Variants in MIPOL1 observed in about 807,000 individuals in gnomAD.
MIPOL1 encodes the protein mirror-image polydactyly gene 1 protein.
MIPOL1 carries 57 observed loss-of-function variants against 60.9 expected under a neutral mutation model. The ratio of observed to expected loss-of-function variants is 0.94; its 90% CI spans 0.76 to 1.17. The LOEUF is 1.17. Ranked by LOEUF, MIPOL1 falls within the 50% of genes most tolerant of loss-of-function variation. The pLI, the probability that MIPOL1 is intolerant of heterozygous loss-of-function variation, is 0.00. For missense variants in MIPOL1, 551 were observed against 511.6 expected (o/e 1.08, Z -0.74); for synonymous variants, 179 against 168.8 (o/e 1.06, Z -0.47).
chr14:37,353,131 G>T (rs1311259426), intron 9 of MIPOL1, among the ~76,000 whole-genome samples: 1 of 140,178 alleles, frequency 7.1e-6, no homozygotes, highest in Non-Finnish European at 1.5e-5. Context: ...GTTGAATTTT[G>T]TCAAAGGCTT....
chr14:37,245,932 C>T (rs756066660), intron 1 of MIPOL1, among the ~76,000 whole-genome samples: 4 of 151,980 alleles, frequency 2.6e-5, no homozygotes, highest in Admixed American at 6.6e-5. Context: ...GAATTTTAGC[C>T]TAAGAAGGTA....
chr14:37,249,214 A>G (rs1011644096), intron 3 of MIPOL1, among the ~76,000 whole-genome samples: 1 of 152,164 alleles, frequency 6.6e-6, no homozygotes, highest in African/African-American at 2.4e-5. Flanking sequence ...CTTGTATTAT[A>G]ATTTAAAAAA....
chr14:37,415,988 G>A (rs1352812451), intron 10 of MIPOL1, among the ~76,000 whole-genome samples: 1 of 152,072 alleles, frequency 6.6e-6, no homozygotes, highest in Admixed American at 6.6e-5. Context: ...GAGAATCTAA[G>A]TAGTTGATAA....
chr14:37,198,860 A>T (rs892108279), intron 1 of MIPOL1, among the ~76,000 whole-genome samples: 3 of 152,232 alleles, frequency 2.0e-5, no homozygotes, highest in African/African-American at 7.2e-5. Context: ...TAACTTGAAT[A>T]TACTATCACA....
intron 11 of MIPOL1, among the ~76,000 whole-genome samples, chr14:37,451,663 T>C (rs1030800756): frequency 6.6e-6 from 1 of 152,108 alleles, no homozygotes; most frequent in African/African-American, 2.4e-5. Context: ...TGACATCCAA[T>C]TGATTTTAAA....
chr14:37,429,901 C>G (rs1194929127), intron 11 of MIPOL1, among the ~76,000 whole-genome samples: 1 of 151,906 alleles, frequency 6.6e-6, no homozygotes, highest in African/African-American at 2.4e-5. Flanking sequence ...GTCAGAACTA[C>G]GAGTTGATAA....
chr14:37,365,464 A>G (rs147043004), intron 9 of MIPOL1, among the ~76,000 whole-genome samples: 1 of 152,150 alleles, frequency 6.6e-6, no homozygotes, highest in East Asian at 1.9e-4. Flanking sequence ...TATTGAAATG[A>G]TCATATGGTT....
At chr14:37,507,192 T>A (rs1348372619) in intron 12 of MIPOL1, 1 of 152,202 alleles carries the variant, frequency 6.6e-6, no homozygotes, top group African/African-American at 2.4e-5. Context: ...TGGAAGACAG[T>A]GTGACGATTC....
At chr14:37,433,566 G>GT (rs1028283456) in intron 11 of MIPOL1, among the ~76,000 whole-genome samples, 3 of 151,570 alleles carry the variant, frequency 2.0e-5, no homozygotes, top group Non-Finnish European at 4.4e-5. Context: ...TTGTTTGTTT[G>GT]TTTTTTTGAG....
intron 10 of MIPOL1, among the ~76,000 whole-genome samples, chr14:37,379,985 T>G (rs1370684828): frequency 6.6e-6 from 1 of 152,074 alleles, no homozygotes. Flanking sequence ...CCTTGAGCTA[T>G]ATGGCCTGGT....
chr14:37,295,758 C>T (rs1270720986), intron 7 of MIPOL1, among the ~76,000 whole-genome samples: 1 of 152,160 alleles, frequency 6.6e-6, no homozygotes, highest in African/African-American at 2.4e-5. Context: ...AACTAACTAT[C>T]CTAAATATAT....
intron 11 of MIPOL1, among the ~76,000 whole-genome samples, chr14:37,475,393 GC>G (rs1253371691): frequency 6.6e-6 from 1 of 152,074 alleles, no homozygotes; most frequent in Non-Finnish European, 1.5e-5. Context: ...TCTTAACAGT[GC>G]CTTTTGTAGC....
intron 11 of MIPOL1, among the ~76,000 whole-genome samples, chr14:37,459,060 T>C (rs76854896): frequency 2.0e-5 from 3 of 151,566 alleles, no homozygotes; most frequent in South Asian, 2.1e-4. Context: ...ATCAAAAAGA[T>C]AAAAAGGTCT....
intron 12 of MIPOL1, among the ~76,000 whole-genome samples, chr14:37,526,347 A>G (rs1594880564): frequency 1.3e-5 from 2 of 151,550 alleles, no homozygotes; most frequent in Non-Finnish European, 2.9e-5. Flanking sequence ...TTGGAAAGGC[A>G]AAGTGGACTT....
At chr14:37,285,229 ATAAT>A (rs1365002182) in intron 6 of MIPOL1, 85 bp from the exon 7 acceptor site, 57 of 1,388,610 alleles carry the variant, frequency 4.1e-5, no homozygotes, top group Non-Finnish European at 5.4e-5. Context: ...CCTTACAGTA[ATAAT>A]TACTTATGGC....
At chr14:37,508,463 G>A (rs2095299238) in intron 12 of MIPOL1, among the ~76,000 whole-genome samples, 1 of 152,098 alleles carries the variant, frequency 6.6e-6, no homozygotes, top group Non-Finnish European at 1.5e-5. Context: ...CATTTTAAAC[G>A]ATATTTTTAT....
intron 11 of MIPOL1, among the ~76,000 whole-genome samples, chr14:37,456,089 G>A (rs796292773): frequency 7.3e-5 from 11 of 151,414 alleles, no homozygotes; most frequent in African/African-American, 2.7e-4. Context: ...CGTAGAAGAA[G>A]GTTTCTTCTA....
chr14:37,535,220 T>C (rs1291027784), intron 12 of MIPOL1, among the ~76,000 whole-genome samples: 1 of 152,178 alleles, frequency 6.6e-6, no homozygotes, highest in Admixed American at 6.6e-5. Context: ...AGATAGTAGT[T>C]AGTCAATGTT....
chr14:37,375,449 T>C (rs1376406551), intron 10 of MIPOL1, among the ~76,000 whole-genome samples: 3 of 152,110 alleles, frequency 2.0e-5, no homozygotes, highest in Non-Finnish European at 2.9e-5. Context: ...CCTCCCACAG[T>C]GCGGGGATTA....
Sources: gnomAD v4.1 joint callset for allele counts (sites outside exome capture counted in the v4.1 genomes callset) on GRCh38, gnomAD v4.1.1 for gene constraint, MANE v1.5 for transcripts, NCBI Gene and HGNC (gene_info 2026-07-23, HGNC 2026-07-21) for gene names.